The following CTNNA3 variants were observed in gnomAD, a reference collection of about 807,000 sequenced individuals.
The protein encoded by CTNNA3 is catenin alpha-3.
In CTNNA3, 76 loss-of-function variants were observed where a neutral mutation model predicts 95.7. That is an observed-to-expected ratio of 0.79 (90% CI 0.66 to 0.96). The LOEUF is 0.96. CTNNA3 is among the 40% of genes least tolerant of loss of function. The pLI is 0.00. For synonymous variants in CTNNA3, 431 were observed against 374.4 expected, an observed-to-expected ratio of 1.15 and a Z score of -1.74; for missense variants, 1,191 against 1,089.8, an observed-to-expected ratio of 1.09 and a Z score of -1.31.
chr10:66,077,760 T>G (rs977428430), intron 14 of CTNNA3, among the ~76,000 whole-genome samples: 4 of 151,786 alleles, frequency 2.6e-5, no homozygotes, highest in Non-Finnish European at 4.4e-5. Context: ...GTGAATATCC[T>G]CATCCTTTTG....
intron 16 of CTNNA3, among the ~76,000 whole-genome samples, chr10:65,979,817 G>A (rs969591217): frequency 2.6e-5 from 4 of 151,958 alleles, no homozygotes; most frequent in Non-Finnish European, 5.9e-5. Context: ...CTTGAAAGAC[G>A]CAAATAGATC....
chr10:67,080,102 A>G (rs979113225), intron 7 of CTNNA3, among the ~76,000 whole-genome samples: 14 of 152,308 alleles, frequency 9.2e-5, no homozygotes, highest in African/African-American at 3.4e-4. Flanking sequence ...GCATGGCAAG[A>G]AGAACCAGAA....
chr10:66,578,336 AGGATCT>A (rs1843071138), intron 10 of CTNNA3, among the ~76,000 whole-genome samples: 1 of 151,898 alleles, frequency 6.6e-6, no homozygotes, highest in Non-Finnish European at 1.5e-5. Flanking sequence ...TACTTTGGCT[AGGATCT>A]CCTTTACTAT....
At chr10:66,037,494 T>C (rs1469880907) in intron 15 of CTNNA3, among the ~76,000 whole-genome samples, 2 of 152,158 alleles carry the variant, frequency 1.3e-5, no homozygotes, top group African/African-American at 4.8e-5. Flanking sequence ...AAAAAATAAA[T>C]AAGCAATTCA....
chr10:67,078,830 T>A (rs1308321741), intron 7 of CTNNA3, among the ~76,000 whole-genome samples: 1 of 152,134 alleles, frequency 6.6e-6, no homozygotes, highest in East Asian at 1.9e-4. Context: ...GATGTCTTCT[T>A]AACATCACAA....
chr10:66,474,485 A>C (rs1212027298), intron 11 of CTNNA3, among the ~76,000 whole-genome samples: 1 of 152,064 alleles, frequency 6.6e-6, no homozygotes, highest in Non-Finnish European at 1.5e-5. Flanking sequence ...AATCTTGGCT[A>C]TTGTGAATGG....
intron 9 of CTNNA3, among the ~76,000 whole-genome samples, chr10:66,744,794 T>C (rs779091450): frequency 6.6e-5 from 10 of 152,162 alleles, no homozygotes; most frequent in Non-Finnish European, 1.3e-4. Flanking sequence ...TAAGCCTCTT[T>C]TGTGTATGAA....
At chr10:66,145,621 G>T (rs1248608849) in intron 13 of CTNNA3, among the ~76,000 whole-genome samples, 2 of 152,142 alleles carry the variant, frequency 1.3e-5, no homozygotes, top group Admixed American at 6.6e-5. Context: ...CTCAATGCCT[G>T]ATAACAGCAG....
intron 12 of CTNNA3, among the ~76,000 whole-genome samples, chr10:66,361,248 C>A (rs2092672152): frequency 1.3e-5 from 2 of 151,390 alleles, no homozygotes; most frequent in Admixed American, 6.6e-5. Context: ...GGATTACAGG[C>A]ATGAGCCACT....
chr10:66,232,933 G>A (rs895429958), intron 13 of CTNNA3, among the ~76,000 whole-genome samples: 42 of 151,946 alleles, frequency 2.8e-4, no homozygotes, highest in African/African-American at 9.2e-4. Context: ...CGAGGCGGGC[G>A]GCTCACGAGG....
chr10:66,632,555 C>CAAAAAAAA (rs10559608), intron 9 of CTNNA3, among the ~76,000 whole-genome samples: 3 of 100,954 alleles, frequency 3.0e-5, no homozygotes, highest in East Asian at 3.4e-4. Context: ...AACTCCATCT[C>CAAAAAAAA]AAAAAAAAAA....
intron 16 of CTNNA3, among the ~76,000 whole-genome samples, chr10:65,981,281 T>C (rs1004811103): frequency 1.3e-5 from 2 of 151,884 alleles, no homozygotes; most frequent in African/African-American, 2.4e-5. Context: ...CTTAGGAATA[T>C]ACCTAACCAA....
At position 67,103,507 on chromosome 10, in the gene CTNNA3, C is replaced by T. The variant is rs182874110; in HGVS notation, c.1047+76810G>A. On this transcript the variant is annotated intron_variant, in intron 7 of 17. Transcript: ENST00000433211. ...AGGCAGGAAGTAAATTATGATGTAG[C>T]AGGCACTATGCCCTCCTCTCATTTT... Among the ~76,000 whole-genome samples, 262 of 151,870 alleles carry T rather than the reference C, an allele frequency of 1.7e-3. 1 individual carries two copies. The highest frequency in any genetic ancestry group is 3.1e-3 in the Non-Finnish European group (210 of 67,784).
chr10:67,364,052 T>A (rs1843105914), intron 5 of CTNNA3, among the ~76,000 whole-genome samples: 1 of 152,234 alleles, frequency 6.6e-6, no homozygotes, highest in African/African-American at 2.4e-5. Context: ...ATATGCCTGA[T>A]GAACATCAAT....
intron 2 of CTNNA3, among the ~76,000 whole-genome samples, chr10:67,640,614 A>G (rs1455394353): frequency 2.6e-5 from 4 of 151,928 alleles, no homozygotes; most frequent in East Asian, 1.9e-4. Flanking sequence ...ATACTACAAG[A>G]CTACAGTAAC....
intron 9 of CTNNA3, among the ~76,000 whole-genome samples, chr10:66,671,877 G>T (rs1017444052): frequency 1.3e-5 from 2 of 152,176 alleles, no homozygotes; most frequent in African/African-American, 4.8e-5. Flanking sequence ...GATAAAATAG[G>T]ATAATACATA....
chr10:67,417,177 C>G (rs531898716), intron 5 of CTNNA3, among the ~76,000 whole-genome samples: 1 of 152,184 alleles, frequency 6.6e-6, no homozygotes, highest in Admixed American at 6.5e-5. Context: ...GGTCATAATC[C>G]TAAGCAAATT....
chr10:67,585,878 T>C (rs1842609526), intron 3 of CTNNA3, among the ~76,000 whole-genome samples: 1 of 152,128 alleles, frequency 6.6e-6, no homozygotes, highest in Non-Finnish European at 1.5e-5. Context: ...TGGGGTTTTG[T>C]TTGTTTTTAC....
intron 7 of CTNNA3, among the ~76,000 whole-genome samples, chr10:66,936,683 T>C (rs1174046079): frequency 1.3e-5 from 2 of 152,142 alleles, no homozygotes; most frequent in Non-Finnish European, 2.9e-5. Context: ...CTGAGATGTC[T>C]GCCTTGTGTC....
Sources: gnomAD v4.1 joint callset for allele counts (sites outside exome capture counted in the v4.1 genomes callset) on GRCh38, gnomAD v4.1.1 for gene constraint, MANE v1.5 for transcripts, NCBI Gene and HGNC (gene_info 2026-07-23, HGNC 2026-07-21) for gene names.